The following TLN2 variants were observed in gnomAD, a reference collection of about 807,000 sequenced individuals.
TLN2 encodes the protein talin-2.
TLN2 carries 118 observed loss-of-function variants against 294.7 expected under a neutral mutation model. The observed-to-expected ratio is 0.40, with a 90% CI of 0.34 to 0.47. The LOEUF is 0.47. Among genes scored for constraint, TLN2 ranks in the 20% least tolerant of loss-of-function variants. The pLI, the probability that TLN2 is intolerant of heterozygous loss-of-function variation, is 0.84. For missense variants in TLN2, 3,083 were observed against 3,282.2 expected (o/e 0.94, Z 1.48); for synonymous variants, 1,431 against 1,304.5 (o/e 1.10, Z -2.09).
chr15:62,626,443 A>G (rs1425942281), intron 3 of TLN2, among the ~76,000 whole-genome samples: 1 of 152,196 alleles, frequency 6.6e-6, no homozygotes, highest in Non-Finnish European at 1.5e-5. Flanking sequence ...AGGTGGGCCA[A>G]AGCACTACTG....
rs895189690 is a variant in TLN2, at chr15:62,812,339, T to C, written c.6771+2307T>C. 3.9e-5 allele frequency among the ~76,000 whole-genome samples: 6 copies of C among 152,302 alleles called. No individual in the cohort carries two copies. In the East Asian group the frequency reaches 5.8e-4, roughly 15 times the overall value. Reference sequence around the variant, plus strand: ...TGCAGCATTGATAATGTACATGACATCTATGGGTCCAGGCCCTGCACACAT... The same window carrying C: ...TGCAGCATTGATAATGTACATGACACCTATGGGTCCAGGCCCTGCACACAT... On this transcript the variant is annotated intron_variant, in intron 52 of 58. Coordinates refer to ENST00000636159, the MANE Select transcript of TLN2 (RefSeq NM_015059.3).
chr15:62,507,064 A>G (rs2039658421), intron 1 of TLN2, among the ~76,000 whole-genome samples: 1 of 152,238 alleles, frequency 6.6e-6, no homozygotes, highest in Non-Finnish European at 1.5e-5. Flanking sequence ...AGGATTAGAA[A>G]TAATTTTAAG....
chr15:62,763,391 A>T (rs1005812093), intron 39 of TLN2, 172 bp from the exon 40 acceptor site: 1 of 654,130 alleles, frequency 1.5e-6, no homozygotes, highest in Non-Finnish European at 2.5e-6. Flanking sequence ...AAATTAAGGA[A>T]TGCATGGGCT....
chr15:62,817,699 C>CT (rs1416917804), intron 52 of TLN2, among the ~76,000 whole-genome samples: 3 of 151,944 alleles, frequency 2.0e-5, no homozygotes, highest in Admixed American at 6.6e-5. Flanking sequence ...AAAGACTGTG[C>CT]TACCTGGGCA....
intron 45 of TLN2, among the ~76,000 whole-genome samples, chr15:62,791,485 T>C (rs1389646550): frequency 5.3e-5 from 8 of 152,212 alleles, no homozygotes; most frequent in East Asian, 1.9e-4. Flanking sequence ...GAGAGTTTTT[T>C]CCCTAAAAAC....
intron 1 of TLN2, among the ~76,000 whole-genome samples, chr15:62,567,998 T>C (rs2043547762): frequency 6.6e-6 from 1 of 152,218 alleles, no homozygotes; most frequent in African/African-American, 2.4e-5. Context: ...CTTGTAACCA[T>C]TTGCTTAAAT....
chr15:62,739,795 T>C (rs2061220644), intron 31 of TLN2, among the ~76,000 whole-genome samples: 1 of 152,214 alleles, frequency 6.6e-6, no homozygotes, highest in Non-Finnish European at 1.5e-5. Context: ...GCAGAATTCA[T>C]AGTCTTACTA....
chr15:62,621,741 A>G (rs1046236092), intron 3 of TLN2, among the ~76,000 whole-genome samples: 1 of 152,220 alleles, frequency 6.6e-6, no homozygotes, highest in Non-Finnish European at 1.5e-5. Flanking sequence ...GAGCTCCCTT[A>G]TGGCGGGATT....
At chr15:62,556,082 G>C (rs1394700218) in intron 1 of TLN2, among the ~76,000 whole-genome samples, 1 of 151,292 alleles carries the variant, frequency 6.6e-6, no homozygotes, top group African/African-American at 2.4e-5. Flanking sequence ...ACAATATTGA[G>C]TCTTCTCATC....
chr15:62,624,261 T>G (rs1432282943), intron 3 of TLN2, among the ~76,000 whole-genome samples: 7 of 152,246 alleles, frequency 4.6e-5, no homozygotes, highest in African/African-American at 1.7e-4. Context: ...TGTACCAAGT[T>G]TTAGAAAATT....
intron 12 of TLN2, among the ~76,000 whole-genome samples, chr15:62,690,632 A>G (rs1458660002): frequency 1.3e-5 from 2 of 148,472 alleles, no homozygotes; most frequent in East Asian, 2.0e-4. Flanking sequence ...AGAGGCTGCA[A>G]TCTCGGCACT....
At chr15:62,530,871 C>T (rs1318618460) in intron 1 of TLN2, among the ~76,000 whole-genome samples, 2 of 152,112 alleles carry the variant, frequency 1.3e-5, no homozygotes, top group Admixed American at 6.5e-5. Flanking sequence ...AAGAACTGTC[C>T]TATTTTCTTT....
At position 62,820,497 on chromosome 15, in the gene TLN2, G is replaced by A. The variant is rs200187638; in HGVS notation, c.6889G>A (p.Val2297Met). 1.2e-4 allele frequency: 187 copies of A among 1,613,874 alleles called. 1 individual carries two copies. The highest frequency in any genetic ancestry group is 1.6e-4 in the Non-Finnish European group (185 of 1,179,940). The change falls in exon 54 of 59, where the codon GTG (valine) becomes ATG (methionine). Residue 2297 changes from valine to methionine, a missense_variant. By Grantham distance (21) the Val-to-Met change is conservative (BLOSUM62 1). Coordinates refer to ENST00000636159, the MANE Select transcript of TLN2 (RefSeq NM_015059.3). ...AAEAMKGTEW[V>M]DPEDPTVIAE... is the part of the protein sequence containing the mutation. Reference sequence around the variant, plus strand: ...TGGACTGATTCTAGGAACAGAGTGGGTGGATCCAGAAGACCCAACTGTCAT... The same window carrying A: ...TGGACTGATTCTAGGAACAGAGTGGATGGATCCAGAAGACCCAACTGTCAT...
chr15:62,437,707 T>A (rs2035351394), intron 1 of TLN2, among the ~76,000 whole-genome samples: 1 of 151,930 alleles, frequency 6.6e-6, no homozygotes. Context: ...AGGTCAGGTT[T>A]ACTTTTTTCC....
At chr15:62,437,752 G>GGGGTGT (rs1555407260) in intron 1 of TLN2, among the ~76,000 whole-genome samples, 9 of 150,414 alleles carry the variant, frequency 6.0e-5, no homozygotes, top group Admixed American at 2.6e-4. Flanking sequence ...ACACCATGGG[G>GGGGTGT]GTGTGTGTGT....
intron 1 of TLN2, among the ~76,000 whole-genome samples, chr15:62,392,802 G>A (rs903787854): frequency 6.6e-6 from 1 of 152,108 alleles, no homozygotes; most frequent in African/African-American, 2.4e-5. Context: ...TGGGAGATGT[G>A]CCTGGAGATG....
chr15:62,758,706 G>A (rs781451524), intron 37 of TLN2: 27 of 152,180 alleles, frequency 1.8e-4, no homozygotes, highest in Non-Finnish European at 3.5e-4. Flanking sequence ...TGGGAAAGTG[G>A]TTTCTTTAGA....
intron 1 of TLN2, among the ~76,000 whole-genome samples, chr15:62,584,764 G>C (rs528394360): frequency 1.3e-5 from 2 of 152,148 alleles, no homozygotes; most frequent in Non-Finnish European, 2.9e-5. Flanking sequence ...GTCTGTGTAC[G>C]GCTGCCAAAG....
At chr15:62,509,162 T>G (rs1219362426) in intron 1 of TLN2, among the ~76,000 whole-genome samples, 1 of 152,232 alleles carries the variant, frequency 6.6e-6, no homozygotes, top group Non-Finnish European at 1.5e-5. Flanking sequence ...TACCCTATGC[T>G]TCCTGTCTGC....
Sources: allele counts gnomAD v4.1 joint callset (sites outside exome capture counted in the v4.1 genomes callset), GRCh38; gene constraint gnomAD v4.1.1; transcripts MANE v1.5; gene names NCBI Gene and HGNC (gene_info 2026-07-23, HGNC 2026-07-21).